Variants in COL23A1 observed in about 807,000 individuals in gnomAD.
The protein encoded by COL23A1 is collagen alpha-1(XXIII) chain.
COL23A1 carries 97 observed loss-of-function variants against 99.3 expected under a neutral mutation model. The ratio of observed to expected loss-of-function variants is 0.98; its 90% CI spans 0.83 to 1.16. The LOEUF is 1.16. Among genes scored for constraint, COL23A1 ranks in the 50% most tolerant of loss-of-function variants. COL23A1 has a pLI of 0.00. For synonymous variants in COL23A1, 320 were observed against 308.2 expected (o/e 1.04, Z -0.40); for missense variants, 762 against 757.4 (o/e 1.01, Z -0.07).
chr5:178,328,839 A>G (rs1048962862), intron 2 of COL23A1, among the ~76,000 whole-genome samples: 1 of 152,204 alleles, frequency 6.6e-6, no homozygotes, highest in African/African-American at 2.4e-5. Flanking sequence ...TTAAGGGTGG[A>G]GACTGAATGT....
chr5:178,482,730 G>A (rs1422981123), intron 2 of COL23A1, among the ~76,000 whole-genome samples: 2 of 151,688 alleles, frequency 1.3e-5, no homozygotes, highest in African/African-American at 2.4e-5. Flanking sequence ...CGTTGCTACC[G>A]TCGCTACTAA....
At chr5:178,258,521 A>G (rs1368781189) in intron 12 of COL23A1, among the ~76,000 whole-genome samples, 4 of 146,068 alleles carry the variant, frequency 2.7e-5, no homozygotes, top group South Asian at 4.4e-4. Flanking sequence ...TCAGCATCCC[A>G]AGTAGCTGGG....
intron 3 of COL23A1, among the ~76,000 whole-genome samples, chr5:178,304,310 A>AC (rs1444640796): frequency 1.3e-5 from 2 of 152,122 alleles, no homozygotes; most frequent in African/African-American, 4.8e-5. Context: ...GGTGTTCAAG[A>AC]CCAGCCTGGC....
chr5:178,436,341 C>A (rs1048173438), intron 2 of COL23A1, among the ~76,000 whole-genome samples: 5 of 143,460 alleles, frequency 3.5e-5, no homozygotes, highest in Non-Finnish European at 6.1e-5. Flanking sequence ...CCCAGGCAGC[C>A]GGTGTCCAGG....
At chr5:178,568,041 T>G (rs1378403604) in intron 1 of COL23A1, among the ~76,000 whole-genome samples, 1 of 152,218 alleles carries the variant, frequency 6.6e-6, no homozygotes, top group African/African-American at 2.4e-5. Flanking sequence ...CAGGAATACC[T>G]CATGCTGGCC....
intron 2 of COL23A1, among the ~76,000 whole-genome samples, chr5:178,383,719 A>G (rs1425902341): frequency 1.4e-5 from 2 of 145,888 alleles, no homozygotes; most frequent in Non-Finnish European, 3.0e-5. Context: ...ACAGTCCTTC[A>G]GTGTTAGCCG....
chr5:178,404,679 G>A (rs929393643), intron 2 of COL23A1, among the ~76,000 whole-genome samples: 7 of 152,134 alleles, frequency 4.6e-5, no homozygotes, highest in South Asian at 2.1e-4. Context: ...CAAGGGGCAC[G>A]AAGACCATGT....
intron 2 of COL23A1, among the ~76,000 whole-genome samples, chr5:178,328,996 C>A (rs539750347): frequency 3.3e-5 from 5 of 152,270 alleles, no homozygotes; most frequent in African/African-American, 1.2e-4. Context: ...GAGGCTCTAG[C>A]TTTGGGGGTG....
At chr5:178,531,839 C>T (rs569243336) in intron 2 of COL23A1, among the ~76,000 whole-genome samples, 18 of 152,218 alleles carry the variant, frequency 1.2e-4, no homozygotes, top group Non-Finnish European at 2.2e-4. Flanking sequence ...ATCCCTGCCC[C>T]GGCATCCTGC....
chr5:178,378,348 G>A (rs1243250313), intron 2 of COL23A1: 3 of 150,738 alleles, frequency 2.0e-5, no homozygotes, highest in Admixed American at 6.6e-5. Context: ...CACCCCCTGA[G>A]GACTGCAGTC....
In COL23A1 at chr5:178,505,774, T is replaced by G. The variant is rs77113795; in HGVS notation, c.361+54908A>C. 5.6e-3 allele frequency among the ~76,000 whole-genome samples: 848 copies of G among 152,140 alleles called. 10 individuals are homozygous for G. The highest frequency in any genetic ancestry group is 0.02 in the African/African-American group (810 of 41,498). Reference sequence around the variant, plus strand: ...AGCAGTGATGGAGGCCCAGGAGGACTATGGTGGGGACTTGGGAGGCATCCA... The same window carrying G: ...AGCAGTGATGGAGGCCCAGGAGGACGATGGTGGGGACTTGGGAGGCATCCA... On this transcript the variant is annotated intron_variant, in intron 2 of 28. Transcript: ENST00000390654.
intron 2 of COL23A1, among the ~76,000 whole-genome samples, chr5:178,335,070 G>A (rs1268661501): frequency 1.3e-5 from 2 of 152,238 alleles, no homozygotes; most frequent in Non-Finnish European, 2.9e-5. Context: ...CCTGGTAAGT[G>A]GGAAGTCTCA....
chr5:178,493,305 C>T (rs922379243), intron 2 of COL23A1, among the ~76,000 whole-genome samples: 9 of 152,218 alleles, frequency 5.9e-5, no homozygotes, highest in African/African-American at 2.2e-4. Context: ...CTGAACCCTG[C>T]TCCACGAGGC....
intron 5 of COL23A1, among the ~76,000 whole-genome samples, chr5:178,278,862 G>A (rs6895011): frequency 0.038 from 5,773 of 152,322 alleles, 120 homozygotes; most frequent in African/African-American, 0.048. Context: ...CAGGCAGCAG[G>A]GGAAGGGTGG....
chr5:178,239,278 G>C, intron 27 of COL23A1, 99 bp from the exon 28 acceptor site: 1 of 1,390,896 alleles, frequency 7.2e-7, no homozygotes, highest in Non-Finnish European at 1.0e-6. Flanking sequence ...GCAGGCCAGG[G>C]AGCGGCCATG....
At chr5:178,270,594 C>G (rs942043289) in intron 5 of COL23A1, among the ~76,000 whole-genome samples, 1 of 152,190 alleles carries the variant, frequency 6.6e-6, no homozygotes, top group Non-Finnish European at 1.5e-5. Context: ...TAAAGACCAC[C>G]CCCCATCTCA....
chr5:178,536,418 C>A (rs1472886348), intron 2 of COL23A1, among the ~76,000 whole-genome samples: 4 of 152,256 alleles, frequency 2.6e-5, no homozygotes, highest in Non-Finnish European at 4.4e-5. Flanking sequence ...ACAAAACCCA[C>A]AGGGCCCGAA....
At position 178,247,635 on chromosome 5, in the gene COL23A1, G is replaced by A. The variant is rs1456970890; in HGVS notation, c.1270-83C>T. On this transcript the variant is annotated intron_variant, in intron 21 of 28. Transcript: ENST00000390654. ...TCACTGGCCCCTGGGGCCCTGTCCT[G>A]GGCTCTGCCCTCTGCCCATGTGCCC... is the stretch of plus-strand genomic sequence containing the variant. 5 of 1,590,630 alleles carry A rather than the reference G, an allele frequency of 3.1e-6. No homozygotes were observed. The Admixed American group carries it at 6.8e-5, about 22-fold the overall frequency.
chr5:178,345,162 G>T, intron 2 of COL23A1: 1 of 678,228 alleles, frequency 1.5e-6, no homozygotes, highest in South Asian at 1.4e-5. Flanking sequence ...TTAGCTGATG[G>T]CCTGGGTCAC....
Sources: allele counts gnomAD v4.1 joint callset (sites outside exome capture counted in the v4.1 genomes callset), GRCh38; gene constraint gnomAD v4.1.1; transcripts MANE v1.5; gene names NCBI Gene and HGNC (gene_info 2026-07-23, HGNC 2026-07-21).